The following CAMTA1 variants were observed in gnomAD, a reference collection of about 807,000 sequenced individuals.
CAMTA1 encodes the protein calmodulin-binding transcription activator 1.
Under a neutral mutation model 170.9 loss-of-function variants are expected in CAMTA1, and 27 were observed. That is an observed-to-expected ratio of 0.16 (90% CI 0.12 to 0.22). CAMTA1 has a LOEUF of 0.22. Ranked by LOEUF, CAMTA1 falls within the 10% of genes least tolerant of loss-of-function variation. The probability of loss-of-function intolerance (pLI) is 1.00; values close to 1 mark genes in which losing one functional copy is unlikely to be tolerated. For missense variants in CAMTA1, 1,619 were observed against 2,217.2 expected (o/e 0.73, Z 5.42); for synonymous variants, 833 against 891.5 (o/e 0.93, Z 1.17).
chr1:7,321,267 C>G (rs1678377177), intron 5 of CAMTA1, among the ~76,000 whole-genome samples: 1 of 152,206 alleles, frequency 6.6e-6, no homozygotes, highest in African/African-American at 2.4e-5. Flanking sequence ...GGCTGCCACT[C>G]TGACCTTGCT....
At chr1:7,598,107 C>T (rs2095414749) in intron 6 of CAMTA1, among the ~76,000 whole-genome samples, 1 of 150,076 alleles carries the variant, frequency 6.7e-6, no homozygotes, top group Admixed American at 6.6e-5. Flanking sequence ...CACAACAGGC[C>T]CCGGTGTGTG....
chr1:7,624,256 T>C (rs1416111616), intron 6 of CAMTA1, among the ~76,000 whole-genome samples: 1 of 152,194 alleles, frequency 6.6e-6, no homozygotes, highest in South Asian at 2.1e-4. Flanking sequence ...CTGTGATCAA[T>C]TGGTGATGAC....
Position 7,135,254 on chromosome 1 carries a change from G to T in CAMTA1, c.302+43883G>T, listed in dbSNP as rs115289688. On this transcript the variant is annotated intron_variant, in intron 4 of 22. Coordinates refer to ENST00000303635, the MANE Select transcript of CAMTA1 (RefSeq NM_015215.4). The stretch of plus-strand genomic sequence containing the variant: ...ATACAAAAAATTAGCCAAGCGGGGT[G>T]GTGGGTGTCTGTAATCCCAGCTACT... 1.0e-2 allele frequency among the ~76,000 whole-genome samples: 1,521 copies of T among 152,228 alleles called. 11 individuals are homozygous for T. The highest frequency in any genetic ancestry group is 0.014 in the Non-Finnish European group (965 of 68,010).
At chr1:7,371,239 TTTTGTTTGTTTGTTTG>T (rs61520755) in intron 5 of CAMTA1, among the ~76,000 whole-genome samples, 101,618 of 147,136 alleles carry the variant, frequency 0.69, 35,797 homozygotes, top group Middle Eastern at 0.81. Context: ...ATGCTCTGGG[TTTTGTTTGTTTGTTTG>T]TTTGTTTGTT....
At chr1:7,546,110 C>A (rs149076145) in intron 6 of CAMTA1, among the ~76,000 whole-genome samples, 2,804 of 152,246 alleles carry the variant, frequency 0.018, 59 homozygotes, top group African/African-American at 0.057. Flanking sequence ...CACCTGCCAC[C>A]ACGCCTGGCT....
rs544090390 is a variant in CAMTA1 at position 7,492,203 on chromosome 1, A to C, written c.510+24302A>C. ...TCTTTCCCATCATCCTCTGCGAGGA[A>C]GGCCAGGGCGATACACTCAGCTTAT... On this transcript the variant is annotated intron_variant, in intron 6 of 22. Coordinates refer to ENST00000303635, the MANE Select transcript of CAMTA1 (RefSeq NM_015215.4). 2.6e-5 allele frequency among the ~76,000 whole-genome samples: 4 copies of C among 152,288 alleles called. No individual in the cohort carries two copies. The South Asian group carries it at 8.3e-4, about 32-fold the overall frequency.
At chr1:7,142,482 T>C (rs1424354363) in intron 4 of CAMTA1, among the ~76,000 whole-genome samples, 1 of 152,222 alleles carries the variant, frequency 6.6e-6, no homozygotes, top group Non-Finnish European at 1.5e-5. Flanking sequence ...TGGATGTTTG[T>C]ACTCCTAAAC....
chr1:6,932,602 A>G lies in CAMTA1; in HGVS notation c.234+107392A>G, dbSNP rs148394098. Among the ~76,000 whole-genome samples, 694 of 152,332 alleles carry G rather than the reference A, an allele frequency of 4.6e-3. 8 individuals carry two copies. Among genetic ancestry groups the G allele is most frequent in the African/African-American group, 0.016 (678 of 41,578 alleles). On this transcript the variant is annotated intron_variant, in intron 3 of 22. Transcript: ENST00000303635. The stretch of plus-strand genomic sequence containing the variant: ...TTGCAAAGTGACCACGCTGTTTTCT[A>G]TCCCCACTGCGGGGTATGAGAGTTC...
intron 3 of CAMTA1, among the ~76,000 whole-genome samples, chr1:7,012,736 TCA>T (rs1225236455): frequency 6.6e-6 from 1 of 152,168 alleles, no homozygotes; most frequent in African/African-American, 2.4e-5. Flanking sequence ...TTTCTCTTCC[TCA>T]GTTTCCCCCC....
chr1:7,089,905 C>A (rs757658401), intron 3 of CAMTA1, among the ~76,000 whole-genome samples: 1 of 152,130 alleles, frequency 6.6e-6, no homozygotes, highest in Non-Finnish European at 1.5e-5. Context: ...GGAAATAACA[C>A]GTAAAAAGGC....
At chr1:6,959,504 GC>G (rs962841062) in intron 3 of CAMTA1, among the ~76,000 whole-genome samples, 8 of 151,464 alleles carry the variant, frequency 5.3e-5, no homozygotes, top group Non-Finnish European at 1.0e-4. Context: ...CGGGTCCCGG[GC>G]AGGGGATGGT....
intron 4 of CAMTA1, among the ~76,000 whole-genome samples, chr1:7,231,356 A>G (rs1421128510): frequency 2.0e-5 from 2 of 99,238 alleles, no homozygotes; most frequent in Non-Finnish European, 4.5e-5. Context: ...TGTGTGAGAG[A>G]GAGAGAGAGA....
At chr1:7,427,890 C>T (rs1034998004) in intron 5 of CAMTA1, among the ~76,000 whole-genome samples, 3 of 152,184 alleles carry the variant, frequency 2.0e-5, no homozygotes, top group Non-Finnish European at 4.4e-5. Context: ...AGAATATTCT[C>T]AGGGCCCCTT....
chr1:7,082,748 G>A (rs1237256679), intron 3 of CAMTA1, among the ~76,000 whole-genome samples: 1 of 152,080 alleles, frequency 6.6e-6, no homozygotes, highest in African/African-American at 2.4e-5. Flanking sequence ...TTGACCACTT[G>A]TCTGCTGGGC....
chr1:7,073,236 A>G (rs900664632), intron 3 of CAMTA1, among the ~76,000 whole-genome samples: 1 of 151,956 alleles, frequency 6.6e-6, no homozygotes, highest in Admixed American at 6.6e-5. Flanking sequence ...AGGTGGGGGG[A>G]AGCTACAGAA....
At chr1:7,123,461 T>G (rs1167152486) in intron 4 of CAMTA1, among the ~76,000 whole-genome samples, 1 of 152,158 alleles carries the variant, frequency 6.6e-6, no homozygotes, top group African/African-American at 2.4e-5. Context: ...GGTGGGACTC[T>G]AACATATTTG....
intron 6 of CAMTA1, among the ~76,000 whole-genome samples, chr1:7,505,759 G>A (rs1026924940): frequency 1.3e-5 from 2 of 152,220 alleles, no homozygotes; most frequent in Non-Finnish European, 2.9e-5. Context: ...AGTCCGCTGA[G>A]CAGGGTCCAC....
Position 7,300,816 on chromosome 1 carries a change from G to A in CAMTA1, c.438+51190G>A, listed in dbSNP as rs1454749025. On this transcript the variant is annotated intron_variant, in intron 5 of 22. Transcript: ENST00000303635. This position sits in a 1 kb window ranked among gnomAD's most constrained non-coding sequence, Gnocchi z 4.1. Reference sequence around the variant, plus strand: ...TCTCCTGGTTTAAAGTGATTCCAGAGCAACTTTATTTCCATAGTCTGTGTT... The same window carrying A: ...TCTCCTGGTTTAAAGTGATTCCAGAACAACTTTATTTCCATAGTCTGTGTT... 2.6e-5 allele frequency among the ~76,000 whole-genome samples: 4 copies of A among 152,192 alleles called. No individual in the cohort carries two copies. Among genetic ancestry groups the A allele is most frequent in the African/African-American group, 7.2e-5 (3 of 41,454 alleles).
At chr1:7,724,539 A>T (rs1001425905) in intron 11 of CAMTA1, among the ~76,000 whole-genome samples, 25 of 152,164 alleles carry the variant, frequency 1.6e-4, no homozygotes, top group African/African-American at 6.0e-4. Flanking sequence ...CCTTCAAAAG[A>T]TTGCATGTAT....
Sources: allele counts gnomAD v4.1 joint callset (sites outside exome capture counted in the v4.1 genomes callset), GRCh38; gene constraint gnomAD v4.1.1; non-coding constraint Gnocchi (gnomAD v3.1); transcripts MANE v1.5; gene names NCBI Gene and HGNC (gene_info 2026-07-23, HGNC 2026-07-21).